Variants in SOX5 observed in about 807,000 individuals in gnomAD.
SOX5 encodes SRY-box transcription factor 5, also known as transcription factor SOX-5.
In SOX5, 9 loss-of-function variants were observed where a neutral mutation model predicts 92.0. The observed-to-expected ratio is 0.10, with a 90% CI of 0.06 to 0.17. SOX5 has a LOEUF of 0.17. Among genes scored for constraint, SOX5 ranks in the 10% least tolerant of loss-of-function variants. SOX5 has a pLI of 1.00. For missense variants in SOX5, 642 were observed against 944.5 expected (o/e 0.68, Z 4.20); for synonymous variants, 344 against 336.3 (o/e 1.02, Z -0.25).
rs73281035 is a variant in SOX5 at position 24,149,645 on chromosome 12, T to A, written c.-2+63698A>T. ...AGTTATATGTGCATCTACCCTATGA[T>A]CCAGTCATTCCCATTCTAGGTATTT... On this transcript the variant is annotated intron_variant, in intron 4 of 4. Coordinates refer to the SOX5 transcript ENST00000446891. Among the ~76,000 whole-genome samples the A allele has an allele frequency of 5.1e-3, 780 of 152,276 alleles. 12 individuals are homozygous for A. The highest frequency in any genetic ancestry group is 0.018 in the African/African-American group (756 of 41,574).
chr12:23,637,713 T>C (rs548992580), intron 8 of SOX5, among the ~76,000 whole-genome samples: 1 of 152,314 alleles, frequency 6.6e-6, no homozygotes, highest in East Asian at 1.9e-4. Context: ...GTTCCTCAAC[T>C]GGCTTTTTGT....
At chr12:24,514,289 T>A (rs1309161498) in intron 1 of SOX5, among the ~76,000 whole-genome samples, 1 of 152,210 alleles carries the variant, frequency 6.6e-6, no homozygotes, top group African/African-American at 2.4e-5. Context: ...TTTTATTGAA[T>A]ATCTAAATTA....
intron 1 of SOX5, among the ~76,000 whole-genome samples, chr12:24,388,482 C>T (rs1158999306): frequency 6.6e-6 from 1 of 152,116 alleles, no homozygotes; most frequent in Non-Finnish European, 1.5e-5. Context: ...TTCAGATGGG[C>T]CTCTCCAATA....
At chr12:24,337,931 C>T (rs1022333059) in intron 2 of SOX5, among the ~76,000 whole-genome samples, 5 of 152,076 alleles carry the variant, frequency 3.3e-5, no homozygotes, top group Admixed American at 2.0e-4. Flanking sequence ...ATGTGACACA[C>T]AAAATTTTTT....
At chr12:24,532,386 G>A (rs1951276218) in intron 1 of SOX5, among the ~76,000 whole-genome samples, 1 of 152,172 alleles carries the variant, frequency 6.6e-6, no homozygotes, top group African/African-American at 2.4e-5. Context: ...GGGGGTCACT[G>A]AAGAAACAGA....
At chr12:23,968,607 C>T in intron 4 of SOX5, among the ~76,000 whole-genome samples, 1 of 152,164 alleles carries the variant, frequency 6.6e-6, no homozygotes, top group Non-Finnish European at 1.5e-5. Flanking sequence ...AGATGCTGGC[C>T]CCTCAATCTT....
intron 3 of SOX5, among the ~76,000 whole-genome samples, chr12:24,244,382 A>G (rs1938180935): frequency 6.6e-6 from 1 of 152,078 alleles, no homozygotes; most frequent in African/African-American, 2.4e-5. Context: ...TTATAATCCC[A>G]CTGGTCTTCT....
intron 8 of SOX5, among the ~76,000 whole-genome samples, chr12:23,612,030 G>A (rs1249751279): frequency 6.6e-6 from 1 of 151,704 alleles, no homozygotes; most frequent in Non-Finnish European, 1.5e-5. Context: ...TTTTTACACT[G>A]TTATTATCTG....
intron 2 of SOX5, among the ~76,000 whole-genome samples, chr12:23,866,894 G>A (rs890413650): frequency 6.6e-6 from 1 of 152,046 alleles, no homozygotes; most frequent in South Asian, 2.1e-4. Context: ...TGTTTCTTCA[G>A]CTTCCACCTA....
At chr12:24,031,812 G>A (rs564908630) in intron 4 of SOX5, among the ~76,000 whole-genome samples, 21 of 151,766 alleles carry the variant, frequency 1.4e-4, no homozygotes, top group African/African-American at 3.6e-4. Flanking sequence ...AACAATGTGC[G>A]GAGAATGGCA....
At chr12:24,405,881 G>A (rs552940242) in intron 1 of SOX5, among the ~76,000 whole-genome samples, 45 of 152,282 alleles carry the variant, frequency 3.0e-4, no homozygotes, top group African/African-American at 1.0e-3. Context: ...GAGGCTATTG[G>A]ATAGAGCTGC....
At chr12:24,070,800 T>C (rs71450409) in intron 4 of SOX5, among the ~76,000 whole-genome samples, 299 of 152,348 alleles carry the variant, frequency 2.0e-3, no homozygotes, top group South Asian at 6.4e-3. Context: ...TATCCGTTTA[T>C]GTAATCATCC....
intron 4 of SOX5, among the ~76,000 whole-genome samples, chr12:24,085,495 T>G (rs1429544805): frequency 6.6e-6 from 1 of 152,106 alleles, no homozygotes; most frequent in African/African-American, 2.4e-5. Context: ...CTTCAACAAA[T>G]TATTGGAAGT....
intron 2 of SOX5, among the ~76,000 whole-genome samples, chr12:23,862,212 A>G (rs2096763959): frequency 6.6e-6 from 1 of 152,202 alleles, no homozygotes; most frequent in African/African-American, 2.4e-5. Flanking sequence ...GGCCATTCCA[A>G]CAGCTTCATG....
chr12:23,741,255 T>C (rs78418187), intron 4 of SOX5, among the ~76,000 whole-genome samples: 2,304 of 152,290 alleles, frequency 0.015, 29 homozygotes, highest in Non-Finnish European at 0.024. Context: ...TCTGGCACAA[T>C]AGATAGTACA....
At chr12:23,590,517 C>G (rs1951382172) in intron 9 of SOX5, among the ~76,000 whole-genome samples, 1 of 151,986 alleles carries the variant, frequency 6.6e-6, no homozygotes, top group Non-Finnish European at 1.5e-5. Flanking sequence ...TTCTGGAACC[C>G]TTTTCCTTAT....
At chr12:24,512,473 G>T (rs1311829152) in intron 1 of SOX5, among the ~76,000 whole-genome samples, 1 of 152,132 alleles carries the variant, frequency 6.6e-6, no homozygotes, top group Non-Finnish European at 1.5e-5. Context: ...AAATACTTAA[G>T]ACTCAAATAT....
chr12:24,261,777 A>C (rs1942128264), intron 3 of SOX5, among the ~76,000 whole-genome samples: 1 of 152,144 alleles, frequency 6.6e-6, no homozygotes, highest in Admixed American at 6.5e-5. Flanking sequence ...TCCACCATTC[A>C]AGGCTCCACT....
Position 23,845,987 on chromosome 12 carries a change from C to G in SOX5, c.477G>C (p.Pro159=), listed in dbSNP as rs202009064. 92 of 1,612,850 alleles carry G rather than the reference C, an allele frequency of 5.7e-5. No individual in the cohort carries two copies. The highest frequency in any genetic ancestry group is 7.6e-5 in the Non-Finnish European group (90 of 1,178,872). ...RKMEELIKNE[P]EETPSIEKLL... is the part of the protein sequence containing the mutation. ...GTTTTCTCTTCCAGCCTTTACCTTC[C>G]GGCTCGTTTTTGATGAGCTCTTCCA... The change falls in exon 3 of 15, where the codon CCG becomes CCC. Residue 159 remains proline (P), a synonymous_variant. Coordinates refer to ENST00000451604, the MANE Select transcript of SOX5 (RefSeq NM_006940.6).
Sources: allele counts gnomAD v4.1 joint callset (sites outside exome capture counted in the v4.1 genomes callset), GRCh38; gene constraint gnomAD v4.1.1; transcripts MANE v1.5; gene names NCBI Gene and HGNC (gene_info 2026-07-23, HGNC 2026-07-21).